Variants in CCDC178 observed in about 807,000 individuals in gnomAD.
The protein encoded by CCDC178 is coiled-coil domain containing 178.
Under a neutral mutation model 117.4 loss-of-function variants are expected in CCDC178, and 126 were observed. The observed-to-expected ratio is 1.07, with a 90% CI of 0.93 to 1.24. The LOEUF is 1.24. Ranked by LOEUF, CCDC178 falls within the 50% of genes most tolerant of loss-of-function variation. The pLI, the probability that CCDC178 is intolerant of heterozygous loss-of-function variation, is 0.00. For synonymous variants in CCDC178, 283 were observed against 313.4 expected, an observed-to-expected ratio of 0.90 and a Z score of 1.02; for missense variants, 1,030 against 986.9, an observed-to-expected ratio of 1.04 and a Z score of -0.59.
At chr18:32,938,230 G>A in intron 22 of CCDC178, 139 bp from the exon 23 acceptor site, 2 of 631,148 alleles carry the variant, frequency 3.2e-6, no homozygotes, top group South Asian at 2.0e-5. Flanking sequence ...TCCTTTATAG[G>A]AGACAAACAG....
chr18:33,185,549 C>T (rs2058781200), intron 20 of CCDC178, among the ~76,000 whole-genome samples: 1 of 151,896 alleles, frequency 6.6e-6, no homozygotes, highest in African/African-American at 2.4e-5. Flanking sequence ...TAAATAACCT[C>T]CTTTGGAACA....
rs572073785 is a variant in CCDC178 at position 33,422,512 on chromosome 18, G to A, written c.-22-10402C>T. ...CAACATCCAATAGAACTTTCATGAT[G>A]AAAATATCCTAAATCTGTACGGTTC... On this transcript the variant is annotated intron_variant, in intron 2 of 22. Transcript: ENST00000383096. Among the ~76,000 whole-genome samples, 3 of 152,216 alleles carry A rather than the reference G, an allele frequency of 2.0e-5. No individual in the cohort carries two copies. The East Asian group carries it at 5.8e-4, about 29-fold the overall frequency.
At chr18:33,344,165 G>A (rs1318088181) in intron 9 of CCDC178, among the ~76,000 whole-genome samples, 2 of 150,698 alleles carry the variant, frequency 1.3e-5, no homozygotes, top group Non-Finnish European at 3.0e-5. Context: ...TTAGCCGGGC[G>A]CGGTGGCGGG....
chr18:33,266,683 CTAATGCTAAATGACGAGT>C (rs2059820100), intron 14 of CCDC178, among the ~76,000 whole-genome samples: 1 of 151,040 alleles, frequency 6.6e-6, no homozygotes, highest in Non-Finnish European at 1.5e-5. Flanking sequence ...GGAGATATAC[CTAATGCTAAATGACGAGT>C]TAATGGGTGC....
chr18:33,081,294 A>C (rs1004912901), intron 21 of CCDC178, among the ~76,000 whole-genome samples: 1 of 152,080 alleles, frequency 6.6e-6, no homozygotes, highest in Non-Finnish European at 1.5e-5. Context: ...ACTGTTTTTT[A>C]TTTTCTTTTT....
At chr18:33,025,295 T>TA (rs1378862364) in intron 21 of CCDC178, among the ~76,000 whole-genome samples, 1 of 152,070 alleles carries the variant, frequency 6.6e-6, no homozygotes, top group Non-Finnish European at 1.5e-5. Flanking sequence ...ACAAAAACTA[T>TA]AAAAAATTCT....
intron 3 of CCDC178, among the ~76,000 whole-genome samples, chr18:33,398,051 T>C (rs2063663460): frequency 6.6e-6 from 1 of 152,070 alleles, no homozygotes; most frequent in Non-Finnish European, 1.5e-5. Context: ...TGTGACTTAA[T>C]AATTATTTTT....
chr18:33,262,709 A>G (rs2059766046), intron 14 of CCDC178, among the ~76,000 whole-genome samples: 1 of 152,120 alleles, frequency 6.6e-6, no homozygotes, highest in Non-Finnish European at 1.5e-5. Context: ...CAGCCACATC[A>G]AAAGTGTAAC....
chr18:33,043,476 T>G (rs532361374), intron 21 of CCDC178, among the ~76,000 whole-genome samples: 1 of 152,070 alleles, frequency 6.6e-6, no homozygotes, highest in Non-Finnish European at 1.5e-5. Context: ...ACTTTATGCT[T>G]CTGAAAAAGG....
At chr18:33,278,411 T>G (rs2059980301) in intron 12 of CCDC178, among the ~76,000 whole-genome samples, 1 of 151,456 alleles carries the variant, frequency 6.6e-6, no homozygotes, top group East Asian at 1.9e-4. Context: ...AGTAACACCC[T>G]TAAATTTCCT....
intron 3 of CCDC178, 56 bp downstream of exon 3, chr18:33,411,975 G>T: frequency 1.1e-6 from 1 of 944,426 alleles, no homozygotes; most frequent in East Asian, 2.7e-5. Flanking sequence ...TAAGTGATGT[G>T]AATTCCATTT....
intron 3 of CCDC178, among the ~76,000 whole-genome samples, chr18:33,410,225 G>A (rs1468238493): frequency 6.6e-6 from 1 of 152,006 alleles, no homozygotes; most frequent in Non-Finnish European, 1.5e-5. Context: ...TTTTTAATTC[G>A]CATTATAATC....
intron 21 of CCDC178, among the ~76,000 whole-genome samples, chr18:33,031,240 G>GTTT (rs199589045): frequency 7.1e-6 from 1 of 141,528 alleles, no homozygotes; most frequent in Non-Finnish European, 1.6e-5. Context: ...TATTTTTGGA[G>GTTT]TTTTTTTTTT....
At chr18:33,120,535 T>C (rs2144209793) in intron 20 of CCDC178, among the ~76,000 whole-genome samples, 1 of 152,286 alleles carries the variant, frequency 6.6e-6, no homozygotes, top group African/African-American at 2.4e-5. Flanking sequence ...ATGTAATCAT[T>C]GTTATGTCCA....
intron 11 of CCDC178, among the ~76,000 whole-genome samples, chr18:33,309,867 A>G (rs2062311511): frequency 6.6e-6 from 1 of 152,124 alleles, no homozygotes; most frequent in African/African-American, 2.4e-5. Flanking sequence ...ATAATTTTGT[A>G]TGCAAACGGA....
chr18:33,429,656 C>T (rs764738677), intron 2 of CCDC178, among the ~76,000 whole-genome samples: 4 of 152,082 alleles, frequency 2.6e-5, no homozygotes, highest in Non-Finnish European at 5.9e-5. Flanking sequence ...TAAAAAGAAC[C>T]TCTTTTAATT....
intron 11 of CCDC178, among the ~76,000 whole-genome samples, chr18:33,297,415 C>T (rs1053401358): frequency 1.5e-4 from 22 of 151,506 alleles, no homozygotes; most frequent in African/African-American, 2.9e-4. Flanking sequence ...GATAAACAAA[C>T]GGACAAATCA....
intron 14 of CCDC178, among the ~76,000 whole-genome samples, chr18:33,253,070 A>G: frequency 6.6e-6 from 1 of 151,846 alleles, no homozygotes; most frequent in Admixed American, 6.6e-5. Flanking sequence ...TGCTCAAGTC[A>G]AATGTCCCAA....
rs147965562 is a variant in CCDC178, at chr18:33,067,634, C to T, written c.2388+25127G>A. On this transcript the variant is annotated intron_variant, in intron 21 of 22. Coordinates refer to ENST00000383096, the MANE Select transcript of CCDC178 (RefSeq NM_001105528.4). The stretch of plus-strand genomic sequence containing the variant: ...CTGAAGCGGGTGGATGACCTGAAGT[C>T]GGGAGTTCGAGACCAGCCTGACCAA... Among the ~76,000 whole-genome samples, 829 of 152,180 alleles carry T rather than the reference C, an allele frequency of 5.4e-3. 8 individuals are homozygous for T. The highest frequency in any genetic ancestry group is 0.019 in the African/African-American group (796 of 41,520).
Sources: allele counts gnomAD v4.1 joint callset (sites outside exome capture counted in the v4.1 genomes callset), GRCh38; gene constraint gnomAD v4.1.1; transcripts MANE v1.5; gene names NCBI Gene and HGNC (gene_info 2026-07-23, HGNC 2026-07-21).